The following SHOC1 variants were observed in gnomAD, a reference collection of about 807,000 sequenced individuals.
The protein encoded by SHOC1 is protein shortage in chiasmata 1 ortholog.
SHOC1 carries 136 observed loss-of-function variants against 179.2 expected under a neutral mutation model. The observed-to-expected ratio is 0.76, with a 90% CI of 0.66 to 0.87. The LOEUF is 0.87. Ranked by LOEUF, SHOC1 falls within the 40% of genes least tolerant of loss-of-function variation. The pLI, the probability that SHOC1 is intolerant of heterozygous loss-of-function variation, is 0.00. For missense variants in SHOC1, 1,538 were observed against 1,700.8 expected, an observed-to-expected ratio of 0.90 and a Z score of 1.68; for synonymous variants, 489 against 586.6, an observed-to-expected ratio of 0.83 and a Z score of 2.41.
Position 111,781,021 on chromosome 9 carries a change from G to C in SHOC1, c.170-4C>G, listed in dbSNP as rs771392092. The C allele has an allele frequency of 1.9e-6, 3 of 1,606,608 alleles. No homozygotes were observed. The highest frequency in any genetic ancestry group is 2.6e-6 in the Non-Finnish European group (3 of 1,174,234). On this transcript the variant is annotated splice_region_variant and splice_polypyrimidine_tract_variant and intron_variant, in intron 3 of 27. Transcript: ENST00000682961. The stretch of plus-strand genomic sequence containing the variant: ...CCCGGAACTGAAACAGCTGAGACTA[G>C]AAAGGATAATAGTTAACATTAATGT...
At chr9:111,793,009 A>G (rs373552268) in intron 1 of SHOC1, among the ~76,000 whole-genome samples, 26 of 152,002 alleles carry the variant, frequency 1.7e-4, no homozygotes, top group African/African-American at 5.8e-4. Context: ...CAGCCTCCTG[A>G]GTAGTTGGGA....
chr9:111,763,707 G>T (rs928348686), intron 5 of SHOC1, among the ~76,000 whole-genome samples: 3 of 152,076 alleles, frequency 2.0e-5, no homozygotes, highest in Admixed American at 2.0e-4. Context: ...GACTAAACTG[G>T]CAGCTACAAG....
intron 5 of SHOC1, among the ~76,000 whole-genome samples, chr9:111,771,165 T>C (rs1048497448): frequency 2.0e-5 from 3 of 152,130 alleles, no homozygotes; most frequent in African/African-American, 7.2e-5. Flanking sequence ...TTTTAGTGAA[T>C]ATATTGTAGG....
Position 111,709,092 on chromosome 9 carries a change from G to A in SHOC1, c.2489-1168C>T, listed in dbSNP as rs967861645. ...GCAGTGGCTCACGCCTGTAATCCCA[G>A]CACTTTGGGAGGCAGAGATGGGTGG... is the stretch of plus-strand genomic sequence containing the variant. On this transcript the variant is annotated intron_variant, in intron 18 of 27. Transcript: ENST00000682961. Among the ~76,000 whole-genome samples, 8 of 152,318 alleles carry A rather than the reference G, an allele frequency of 5.3e-5. No homozygotes were observed. The East Asian group carries it at 9.6e-4, about 18-fold the overall frequency.
intron 18 of SHOC1, among the ~76,000 whole-genome samples, chr9:111,712,387 A>G (rs13290402): frequency 6.6e-6 from 1 of 152,132 alleles, no homozygotes; most frequent in East Asian, 1.9e-4. Flanking sequence ...GCCTCAAAGG[A>G]GGAGGAATAA....
chr9:111,686,941 T>TTTC, intron 27 of SHOC1, 71 bp from the exon 28 acceptor site: 5 of 433,134 alleles, frequency 1.2e-5, no homozygotes, highest in Non-Finnish European at 1.7e-5. Flanking sequence ...TTCTTTTCCT[T>TTTC]TTTTTTTTTT....
chr9:111,758,474 T>C (rs1834977171), intron 6 of SHOC1, among the ~76,000 whole-genome samples: 1 of 152,178 alleles, frequency 6.6e-6, no homozygotes, highest in Admixed American at 6.5e-5. Flanking sequence ...CGCACGCCTG[T>C]AGTCTCAGCA....
chr9:111,760,541 G>A (rs10121514), intron 5 of SHOC1, among the ~76,000 whole-genome samples: 8,401 of 151,976 alleles, frequency 0.055, 561 homozygotes, highest in African/African-American at 0.16. Context: ...GGACACTTTT[G>A]TCTCCCTAGA....
At position 111,705,266 on chromosome 9, in the gene SHOC1, G is replaced by C. The variant is rs1262367085; in HGVS notation, c.2836C>G (p.Leu946Val). Residue 946 changes from leucine to valine, a missense_variant, in exon 21 of 28, where the codon CTT becomes GTT. By Grantham distance (32) the Leu-to-Val change is conservative (BLOSUM62 1). Transcript: ENST00000682961. The stretch of plus-strand genomic sequence containing the variant: ...ACTTACTTGGATTCTAGCAGCTGAA[G>C]TATGTCTGGAGTATTAAGAAGTCCT... ...SEGLLNTPDI[L>V]QLLESNYNIS... 11 of 1,547,862 alleles carry C rather than the reference G, an allele frequency of 7.1e-6. No individual in the cohort carries two copies. Among genetic ancestry groups the C allele is most frequent in the Non-Finnish European group, 9.6e-6 (11 of 1,145,946 alleles).
At chr9:111,702,278 T>C (rs1333534992) in intron 22 of SHOC1, 52 bp from the exon 23 acceptor site, 4 of 1,147,756 alleles carry the variant, frequency 3.5e-6, no homozygotes, top group East Asian at 2.4e-5. Flanking sequence ...ACAGTTATTA[T>C]GAAATTATGT....
intron 12 of SHOC1, among the ~76,000 whole-genome samples, chr9:111,729,139 A>G (rs542273990): frequency 2.6e-5 from 4 of 152,056 alleles, no homozygotes; most frequent in South Asian, 2.1e-4. Context: ...TTTTTGAGAC[A>G]TGGTCCTCCT....
intron 5 of SHOC1, among the ~76,000 whole-genome samples, chr9:111,772,724 G>C (rs1835667699): frequency 6.6e-6 from 1 of 152,202 alleles, no homozygotes; most frequent in South Asian, 2.1e-4. Context: ...AGTCTGGCTA[G>C]AGGTTCGTGC....
At chr9:111,764,718 T>G (rs1031275999) in intron 5 of SHOC1, among the ~76,000 whole-genome samples, 2 of 152,160 alleles carry the variant, frequency 1.3e-5, no homozygotes, top group African/African-American at 4.8e-5. Flanking sequence ...TATAAGCATG[T>G]CATGCAGATA....
chr9:111,725,839 T>C (rs1199465787), intron 13 of SHOC1, among the ~76,000 whole-genome samples: 2 of 152,210 alleles, frequency 1.3e-5, no homozygotes, highest in Non-Finnish European at 2.9e-5. Flanking sequence ...CAGAATTTTG[T>C]GATCTTTTCA....
At chr9:111,775,726 C>A in intron 5 of SHOC1, 65 bp downstream of exon 5, 2 of 1,370,318 alleles carry the variant, frequency 1.5e-6, no homozygotes, top group South Asian at 1.6e-5. Flanking sequence ...ACAAAAAACT[C>A]ACTGAAAAGA....
chr9:111,758,930 T>C, intron 5 of SHOC1, 82 bp from the exon 6 acceptor site: 1 of 921,442 alleles, frequency 1.1e-6, no homozygotes, highest in Non-Finnish European at 1.6e-6. Flanking sequence ...ATGTAATCAG[T>C]CATTAGATAC....
chr9:111,724,647 G>A (rs1833218785), intron 13 of SHOC1, among the ~76,000 whole-genome samples: 1 of 152,074 alleles, frequency 6.6e-6, no homozygotes, highest in African/African-American at 2.4e-5. Context: ...TACCATGCCT[G>A]ACCTGGGCCT....
At chr9:111,746,397 A>G (rs1589435785) in intron 9 of SHOC1, 55 bp from the exon 10 acceptor site, 1 of 1,165,152 alleles carries the variant, frequency 8.6e-7, no homozygotes, top group Non-Finnish European at 1.3e-6. Context: ...TAAGTAGGCT[A>G]GGCGTGGTGG....
intron 1 of SHOC1, among the ~76,000 whole-genome samples, chr9:111,792,816 G>C (rs142022173): frequency 6.6e-6 from 1 of 152,150 alleles, no homozygotes; most frequent in African/African-American, 2.4e-5. Context: ...TTATTTTACT[G>C]GTGGTTACTT....
Sources: gnomAD v4.1 joint callset for allele counts (sites outside exome capture counted in the v4.1 genomes callset) on GRCh38, gnomAD v4.1.1 for gene constraint, MANE v1.5 for transcripts, NCBI Gene and HGNC (gene_info 2026-07-23, HGNC 2026-07-21) for gene names.